TSHZ2: variants seen among roughly 807,000 people sequenced by gnomAD.
TSHZ2 encodes the protein teashirt zinc finger homeobox 2.
TSHZ2 carries 21 observed loss-of-function variants against 74.4 expected under a neutral mutation model. The observed-to-expected ratio is 0.28, with a 90% CI of 0.20 to 0.41. TSHZ2 has a LOEUF of 0.41. Among genes scored for constraint, TSHZ2 ranks in the 10% least tolerant of loss-of-function variants. The probability of loss-of-function intolerance (pLI) is 1.00; values close to 1 mark genes in which losing one functional copy is unlikely to be tolerated. For synonymous variants in TSHZ2, 540 were observed against 515.3 expected (o/e 1.05, Z -0.65); for missense variants, 1,244 against 1,293.5 (o/e 0.96, Z 0.59).
chr20:53,029,547 G>T (rs1428301608), intron 1 of TSHZ2, among the ~76,000 whole-genome samples: 1 of 152,276 alleles, frequency 6.6e-6, no homozygotes, highest in Admixed American at 6.5e-5. Context: ...GTGGAGGCAC[G>T]TGCCTGTAAT....
intron 2 of TSHZ2, among the ~76,000 whole-genome samples, chr20:53,485,014 AC>A (rs1419896846): frequency 6.6e-6 from 1 of 152,242 alleles, no homozygotes; most frequent in African/African-American, 2.4e-5. Flanking sequence ...TAAACAAGAA[AC>A]TTCACTCAGA....
chr20:53,016,024 G>A (rs2256437), intron 1 of TSHZ2, among the ~76,000 whole-genome samples: 81,828 of 152,040 alleles, frequency 0.54, 22,876 homozygotes, highest in East Asian at 0.75. Flanking sequence ...TCATTGTCTC[G>A]GCTCAGCGAT....
chr20:53,039,442 A>C (rs1374958700), intron 1 of TSHZ2, among the ~76,000 whole-genome samples: 1 of 152,184 alleles, frequency 6.6e-6, no homozygotes, highest in Non-Finnish European at 1.5e-5. Flanking sequence ...ATATGTGTTA[A>C]CCAAATAAAT....
At chr20:53,469,757 ATAGAGAGGGAGGAAGGG>A (rs1985724974) in intron 2 of TSHZ2, among the ~76,000 whole-genome samples, 2 of 103,964 alleles carry the variant, frequency 1.9e-5, no homozygotes, top group South Asian at 3.9e-4. Flanking sequence ...CCCAAGAAAG[ATAGAGAGGGAGGAAGGG>A]AGGGAGGGAG....
At chr20:53,138,309 A>G (rs1167446390) in intron 1 of TSHZ2, among the ~76,000 whole-genome samples, 7 of 151,594 alleles carry the variant, frequency 4.6e-5, no homozygotes, top group Non-Finnish European at 8.8e-5. Context: ...GCATGAACCC[A>G]GGAGGCTGAG....
chr20:53,197,185 T>C (rs1988891097), intron 1 of TSHZ2, among the ~76,000 whole-genome samples: 1 of 152,246 alleles, frequency 6.6e-6, no homozygotes, highest in African/African-American at 2.4e-5. Context: ...TTTACCAAAG[T>C]GGTTCATTAC....
intron 2 of TSHZ2, among the ~76,000 whole-genome samples, chr20:53,325,882 A>C (rs1217114274): frequency 6.6e-6 from 1 of 152,108 alleles, no homozygotes; most frequent in African/African-American, 2.4e-5. Flanking sequence ...CCCAGGTTCA[A>C]GCGATTCTCC....
chr20:53,255,825 G>T lies in TSHZ2; in HGVS notation c.2367G>T (p.Lys789Asn), dbSNP rs1039819564. The T allele has an allele frequency of 1.2e-6, 2 of 1,613,040 alleles. No individual in the cohort carries two copies. The highest frequency in any genetic ancestry group is 2.2e-5 in the East Asian group (1 of 44,854). ...AATCTTGTATGTCCCCACCTCAGAA[G>T]CACGCTCTGTCTGACATCGCCGACA... ...QAQSCMSPPQKHALSDIADMV... is the reference protein window; with the variant it reads ...QAQSCMSPPQNHALSDIADMV... The change falls in exon 2 of 3, where the codon AAG becomes AAT. Residue 789 changes from lysine (K) to asparagine (N), a missense_variant. Physicochemically the swap from Lys to Asn is moderately conservative, Grantham distance 94 (BLOSUM62 0). This residue lies in a region of TSHZ2 where 562 missense variants were observed against 544.0 expected (regional missense o/e 1.03). Coordinates refer to ENST00000371497, the MANE Select transcript of TSHZ2 (RefSeq NM_173485.6). The surrounding 1 kb of genome is among the most constrained non-coding windows in gnomAD (Gnocchi z 4.1).
chr20:53,096,947 CA>C (rs201536999), intron 1 of TSHZ2, among the ~76,000 whole-genome samples: 17 of 148,952 alleles, frequency 1.1e-4, no homozygotes, highest in Admixed American at 7.3e-4. Context: ...AAACAAAAAA[CA>C]AAAAAAAACA....
intron 2 of TSHZ2, among the ~76,000 whole-genome samples, chr20:53,279,876 C>A (rs957183865): frequency 4.6e-5 from 7 of 152,228 alleles, no homozygotes; most frequent in Admixed American, 2.0e-4. Context: ...GAGGGAGCCA[C>A]AAATGAGAAG....
In TSHZ2 at chr20:53,254,537, A is replaced by G. The variant is rs761402486; in HGVS notation, c.1079A>G (p.Tyr360Cys). The change falls in exon 2 of 3, where the codon TAT becomes TGT. Residue 360 changes from tyrosine to cysteine, a missense_variant. Tyr to Cys is a radical substitution (Grantham distance 194). This residue lies in a region of TSHZ2 where 470 missense variants were observed against 456.5 expected (regional missense o/e 1.03). Transcript: ENST00000371497. The stretch of plus-strand genomic sequence containing the variant: ...TTGCAGTTGTCCTCCAACAACCGCT[A>G]TGGCTACCAAAATGGAGCCAGCTAC... ...ANLQLSSNNRYGYQNGASYTW... is the reference protein window; with the variant it reads ...ANLQLSSNNRCGYQNGASYTW... 5 of 1,614,004 alleles carry G rather than the reference A, an allele frequency of 3.1e-6. 1 individual carries two copies. The highest frequency in any genetic ancestry group is 3.3e-5 in the Admixed American group (2 of 60,018).
At chr20:53,022,311 C>G (rs542979537) in intron 1 of TSHZ2, among the ~76,000 whole-genome samples, 1 of 152,152 alleles carries the variant, frequency 6.6e-6, no homozygotes, top group Non-Finnish European at 1.5e-5. Flanking sequence ...CGGTGTTAAC[C>G]GTGGGATTTA....
At chr20:53,465,434 C>G (rs1357536552) in intron 2 of TSHZ2, among the ~76,000 whole-genome samples, 1 of 152,056 alleles carries the variant, frequency 6.6e-6, no homozygotes, top group East Asian at 1.9e-4. Flanking sequence ...CCACACCCGA[C>G]TAATTTTTGT....
rs760751978 is a variant in TSHZ2 at position 52,973,261 on chromosome 20, G to A, written c.-33G>A. The A allele has an allele frequency of 6.4e-7, 1 of 1,551,898 alleles. No homozygotes were observed. Among genetic ancestry groups the A allele is most frequent in the South Asian group, 1.2e-5 (1 of 84,062 alleles). ...GCCCCAGCGCGCGGCTCGGGGCTGG[G>A]GCGCCAGAAGTGGGACTGGAGCGAA... On this transcript the variant is annotated 5_prime_UTR_variant, in exon 1 of 3. Coordinates refer to ENST00000371497, the MANE Select transcript of TSHZ2 (RefSeq NM_173485.6).
intron 1 of TSHZ2, among the ~76,000 whole-genome samples, chr20:53,163,386 T>TTTTTTTTGG (rs57531331): frequency 8.5e-6 from 1 of 117,940 alleles, no homozygotes; most frequent in Non-Finnish European, 1.8e-5. Context: ...TTTTTTTTTT[T>TTTTTTTTGG]GAGGTTTCAG....
chr20:53,435,769 T>C (rs909002550), intron 2 of TSHZ2, among the ~76,000 whole-genome samples: 1 of 152,240 alleles, frequency 6.6e-6, no homozygotes, highest in Non-Finnish European at 1.5e-5. Flanking sequence ...CACCTCAGCC[T>C]TCCAAAGTGC....
At chr20:53,066,989 A>G (rs1985012235) in intron 1 of TSHZ2, among the ~76,000 whole-genome samples, 1 of 152,240 alleles carries the variant, frequency 6.6e-6, no homozygotes, top group Non-Finnish European at 1.5e-5. Context: ...CATTTCAAAA[A>G]TATTATCCAC....
chr20:53,310,174 A>C (rs1180212211), intron 2 of TSHZ2, among the ~76,000 whole-genome samples: 1 of 152,248 alleles, frequency 6.6e-6, no homozygotes, highest in African/African-American at 2.4e-5. Flanking sequence ...CAGCTAGTCC[A>C]ACGTTTCATT....
rs563268182 is a variant in TSHZ2 at position 52,987,716 on chromosome 20, C to T, written c.40+14383C>T. Among the ~76,000 whole-genome samples the T allele has an allele frequency of 3.3e-5, 5 of 152,274 alleles. No homozygotes were observed. In the South Asian group the frequency reaches 1.0e-3, roughly 32 times the overall value. On this transcript the variant is annotated intron_variant, in intron 1 of 2. Transcript: ENST00000371497. Reference sequence around the variant, plus strand: ...ATTTACACATTTGTCTACCTGGTCTCAGCATGAAACAGAGCCCAGAAAAGT... The same window carrying T: ...ATTTACACATTTGTCTACCTGGTCTTAGCATGAAACAGAGCCCAGAAAAGT...
Sources: gnomAD v4.1 joint callset for allele counts (sites outside exome capture counted in the v4.1 genomes callset) on GRCh38, gnomAD v4.1.1 for gene constraint, gnomAD v4.1.1 regional missense constraint, Gnocchi (gnomAD v3.1) non-coding constraint, MANE v1.5 for transcripts, NCBI Gene and HGNC (gene_info 2026-07-23, HGNC 2026-07-21) for gene names.